Variants in CYP2C8 observed in about 807,000 individuals in gnomAD.
The protein encoded by CYP2C8 is cytochrome P450 family 2 subfamily C member 8.
A neutral mutation model predicts 41.3 loss-of-function variants in CYP2C8; 51 were observed. The observed-to-expected ratio is 1.24, with a 90% CI of 0.99 to 1.56. The LOEUF (loss-of-function observed/expected upper bound fraction) is 1.56. CYP2C8 is among the 40% of genes most tolerant of loss of function. CYP2C8 has a pLI of 0.00. For synonymous variants in CYP2C8, 218 were observed against 205.8 expected, an observed-to-expected ratio of 1.06 and a Z score of -0.51; for missense variants, 651 against 579.9, an observed-to-expected ratio of 1.12 and a Z score of -1.26.
At chr10:95,060,286 T>TC (rs2033399872) in intron 4 of CYP2C8, among the ~76,000 whole-genome samples, 18 of 152,238 alleles carry the variant, frequency 1.2e-4, no homozygotes, top group Non-Finnish European at 1.3e-4. Flanking sequence ...CATGGAATGT[T>TC]CTTCCATTTG....
At chr10:95,056,622 T>C (rs1416157191) in intron 5 of CYP2C8, among the ~76,000 whole-genome samples, 2 of 152,150 alleles carry the variant, frequency 1.3e-5, no homozygotes, top group African/African-American at 4.8e-5. Flanking sequence ...CTCCATATCA[T>C]TATGCTAAGT....
Position 95,042,946 on chromosome 10 carries a change from C to T in CYP2C8, c.1093G>A (p.Gly365Ser), listed in dbSNP as rs77147096. ...IQRYSDLVPT[G>S]VPHAVTTDTK... ...TCAGTGGTCACTGCATGGGGCACAC[C>T]GGTGGGGACAAGGTCACTGTATCTC... Residue 365 changes from glycine (G) to serine (S), a missense_variant, in exon 7 of 9, where the codon GGT becomes AGT. Physicochemically the swap from Gly to Ser is moderately conservative, Grantham distance 56. Coordinates refer to ENST00000371270, the MANE Select transcript of CYP2C8 (RefSeq NM_000770.3). 468 of 1,614,070 alleles carry T rather than the reference C, an allele frequency of 2.9e-4. 1 individual carries two copies. In the African/African-American group the frequency reaches 4.4e-3, roughly 15 times the overall value.
At chr10:95,039,118 T>C in intron 7 of CYP2C8, 80 bp from the exon 8 acceptor site, 1 of 1,313,050 alleles carries the variant, frequency 7.6e-7, no homozygotes, top group Non-Finnish European at 1.1e-6. Flanking sequence ...CGTAGCGCCA[T>C]AACGTTGATC....
Position 95,039,056 on chromosome 10 carries a change from G to A in CYP2C8, c.1150-18C>T. The stretch of plus-strand genomic sequence containing the variant: ...GTTGTGCCCTGGAAGTAACAAAACA[G>A]ATAATCTGATTTATAAAGAAGTCCA... On this transcript the variant is annotated intron_variant, in intron 7 of 8. Coordinates refer to ENST00000371270, the MANE Select transcript of CYP2C8 (RefSeq NM_000770.3). 1.2e-6 allele frequency: 2 copies of A among 1,610,612 alleles called. No homozygotes were observed. Among genetic ancestry groups the A allele is most frequent in the Non-Finnish European group, 8.5e-7 (1 of 1,176,846 alleles).
At chr10:95,056,414 A>G (rs2033315734) in intron 5 of CYP2C8, among the ~76,000 whole-genome samples, 1 of 152,204 alleles carries the variant, frequency 6.6e-6, no homozygotes, top group Admixed American at 6.5e-5. Flanking sequence ...CCCTGGAAAA[A>G]TGAAAATATA....
chr10:95,053,451 A>G (rs1047001307), intron 5 of CYP2C8, among the ~76,000 whole-genome samples: 10 of 152,202 alleles, frequency 6.6e-5, no homozygotes, highest in Admixed American at 5.9e-4. Context: ...ATTCTACTCT[A>G]AAGACACATG....
intron 5 of CYP2C8, among the ~76,000 whole-genome samples, chr10:95,047,078 G>C (rs1463851780): frequency 6.6e-6 from 1 of 152,084 alleles, no homozygotes; most frequent in Admixed American, 6.5e-5. Context: ...TCCCCAACTT[G>C]CTTCTCCTCT....
At chr10:95,066,861 G>A (rs2033580112) in intron 3 of CYP2C8, among the ~76,000 whole-genome samples, 2 of 152,126 alleles carry the variant, frequency 1.3e-5, no homozygotes, top group South Asian at 4.1e-4. Context: ...TTCTGGTGGA[G>A]GTAATGCAGA....
intron 8 of CYP2C8, 106 bp from the exon 9 acceptor site, chr10:95,037,415 T>C: frequency 1.1e-6 from 1 of 927,446 alleles, no homozygotes; most frequent in Non-Finnish European, 1.7e-6. Flanking sequence ...AAATAATTGA[T>C]TAATGATTGG....
intron 5 of CYP2C8, among the ~76,000 whole-genome samples, chr10:95,055,326 T>A (rs923389399): frequency 1.3e-5 from 2 of 152,052 alleles, no homozygotes; most frequent in Non-Finnish European, 2.9e-5. Flanking sequence ...TCAACAAATG[T>A]ACCAAGATCA....
At chr10:95,047,919 C>A (rs939591068) in intron 5 of CYP2C8, among the ~76,000 whole-genome samples, 1 of 152,144 alleles carries the variant, frequency 6.6e-6, no homozygotes, top group Non-Finnish European at 1.5e-5. Context: ...AAGGTAATAT[C>A]CTCGAGAAGT....
At chr10:95,068,173 A>C (rs556175891) in intron 1 of CYP2C8, among the ~76,000 whole-genome samples, 2 of 152,338 alleles carry the variant, frequency 1.3e-5, no homozygotes, top group Admixed American at 6.5e-5. Context: ...GGATTCTGAT[A>C]CAGCAGTCCT....
intron 6 of CYP2C8, among the ~76,000 whole-genome samples, chr10:95,043,607 T>C (rs2033051360): frequency 6.6e-6 from 1 of 152,172 alleles, no homozygotes; most frequent in Non-Finnish European, 1.5e-5. Context: ...AAATAACCAC[T>C]ATTTCTTTCT....
At chr10:95,062,730 G>A (rs1484839282) in intron 4 of CYP2C8, among the ~76,000 whole-genome samples, 2 of 152,038 alleles carry the variant, frequency 1.3e-5, no homozygotes, top group South Asian at 2.1e-4. Flanking sequence ...AGTTTCTTCC[G>A]AGCCTTGATG....
At chr10:95,058,286 C>A in intron 5 of CYP2C8, 49 bp downstream of exon 5, 1 of 1,609,252 alleles carries the variant, frequency 6.2e-7, no homozygotes, top group Non-Finnish European at 8.5e-7. Context: ...TTCGATGAAT[C>A]ACAAAATGGA....
chr10:95,061,593 C>G (rs1463563653), intron 4 of CYP2C8, among the ~76,000 whole-genome samples: 1 of 152,108 alleles, frequency 6.6e-6, no homozygotes, highest in Non-Finnish European at 1.5e-5. Context: ...AAAACTAGCT[C>G]CTGGATTCAT....
intron 3 of CYP2C8, among the ~76,000 whole-genome samples, chr10:95,066,153 A>AGAGT (rs1342809282): frequency 3.9e-3 from 340 of 88,234 alleles, no homozygotes; most frequent in Middle Eastern, 7.6e-3. Flanking sequence ...AGAGAGAGAG[A>AGAGT]GTGTGTGTGT....
chr10:95,043,020 T>A lies in CYP2C8; in HGVS notation c.1019A>T (p.Gln340Leu). ...AGTGTAAGGCATGTGGCTCCTATCC[T>A]GCATGCAGGGGCTCCTGTGTCTGCC... ...VIGRHRSPCM[Q>L]DRSHMPYTDA... Residue 340 changes from glutamine (Q) to leucine (L), a missense_variant, in exon 7 of 9, where the codon CAG (glutamine) becomes CTG (leucine). Gln to Leu is a moderately radical substitution (Grantham distance 113). Transcript: ENST00000371270. 6.2e-7 allele frequency: 1 copy of A among 1,614,192 alleles called. No individual in the cohort carries two copies. The highest frequency in any genetic ancestry group is 8.5e-7 in the Non-Finnish European group (1 of 1,180,014).
intron 6 of CYP2C8, among the ~76,000 whole-genome samples, chr10:95,043,864 G>GCACACA (rs58419621): frequency 0.084 from 11,735 of 139,180 alleles, 546 homozygotes; most frequent in Middle Eastern, 0.16. Flanking sequence ...ACTCACAGAA[G>GCACACA]CACACACACA....
Sources: gnomAD v4.1 joint callset for allele counts (sites outside exome capture counted in the v4.1 genomes callset) on GRCh38, gnomAD v4.1.1 for gene constraint, MANE v1.5 for transcripts, NCBI Gene and HGNC (gene_info 2026-07-23, HGNC 2026-07-21) for gene names.